RTTN: variants seen among roughly 807,000 people sequenced by gnomAD.
RTTN encodes the protein rotatin.
Under a neutral mutation model 269.2 loss-of-function variants are expected in RTTN, and 182 were observed. The ratio of observed to expected loss-of-function variants is 0.68; its 90% CI spans 0.60 to 0.76. The LOEUF is 0.76. Among genes scored for constraint, RTTN ranks in the 30% least tolerant of loss-of-function variants. The pLI, the probability that RTTN is intolerant of heterozygous loss-of-function variation, is 0.00. For missense variants in RTTN, 2,545 were observed against 2,608.6 expected (o/e 0.98, Z 0.53); for synonymous variants, 1,006 against 963.5 (o/e 1.04, Z -0.82).
chr18:70,011,320 C>T (rs1304942264), intron 46 of RTTN, among the ~76,000 whole-genome samples: 3 of 152,296 alleles, frequency 2.0e-5, no homozygotes, highest in Middle Eastern at 6.8e-3. Flanking sequence ...CCCCGATGAA[C>T]ATCGATGCAA....
chr18:70,011,852 C>A (rs553231477), intron 46 of RTTN, among the ~76,000 whole-genome samples: 1 of 152,264 alleles, frequency 6.6e-6, no homozygotes, highest in East Asian at 1.9e-4. Flanking sequence ...TGTCTGCTCA[C>A]TGGTATTGGT....
At chr18:70,189,224 T>C (rs1400220522) in intron 9 of RTTN, among the ~76,000 whole-genome samples, 1 of 152,228 alleles carries the variant, frequency 6.6e-6, no homozygotes, top group African/African-American at 2.4e-5. Context: ...ACATTATTAG[T>C]ATATGAATTA....
intron 14 of RTTN, among the ~76,000 whole-genome samples, chr18:70,153,024 G>A (rs138322507): frequency 0.012 from 1,885 of 151,680 alleles, 24 homozygotes; most frequent in South Asian, 0.038. Flanking sequence ...CTTTTTGTTC[G>A]TGAAACACGC....
At chr18:70,059,714 A>C in intron 36 of RTTN, 136 bp downstream of exon 36, 1 of 538,186 alleles carries the variant, frequency 1.9e-6, no homozygotes, top group Non-Finnish European at 2.9e-6. Context: ...CAAAAGCAAA[A>C]TCCTAGAGTT....
At chr18:70,088,670 A>G (rs2058764133) in intron 30 of RTTN, among the ~76,000 whole-genome samples, 1 of 152,238 alleles carries the variant, frequency 6.6e-6, no homozygotes, top group South Asian at 2.1e-4. Context: ...TGCTTGCTGT[A>G]GAACCACTGC....
At chr18:70,138,458 T>G (rs2060177804) in intron 21 of RTTN, 1 of 152,098 alleles carries the variant, frequency 6.6e-6, no homozygotes, top group South Asian at 2.1e-4. Context: ...TTGAATCCAG[T>G]AGGTGTTCAT....
chr18:70,082,876 A>G (rs1306758816), intron 32 of RTTN, among the ~76,000 whole-genome samples: 1 of 151,728 alleles, frequency 6.6e-6, no homozygotes, highest in Non-Finnish European at 1.5e-5. Context: ...AATTTTTTTT[A>G]GAGATGGGGT....
rs2061598784 is a variant in RTTN at position 70,188,524 on chromosome 18, G to A, written c.1190-301C>T. ...GATTAAAATAATTTTTCGAATTTAGGGACCATCCATTTTACACGTAATATG... is the reference window on the plus strand; with the variant it reads ...GATTAAAATAATTTTTCGAATTTAGAGACCATCCATTTTACACGTAATATG... On this transcript the variant is annotated intron_variant, in intron 9 of 48. Transcript: ENST00000640769. Among the ~76,000 whole-genome samples, 3 of 152,140 alleles carry A rather than the reference G, an allele frequency of 2.0e-5. No individual in the cohort carries two copies. The South Asian group carries it at 6.2e-4, about 32-fold the overall frequency.
At chr18:70,129,695 G>C (rs926856295) in intron 23 of RTTN, 1 of 151,836 alleles carries the variant, frequency 6.6e-6, no homozygotes, top group Admixed American at 6.6e-5. Context: ...TTAGAGAAAT[G>C]CTTCAGGACA....
chr18:70,057,776 G>T lies in RTTN; in HGVS notation c.4997C>A (p.Pro1666His). ...TCVQELRALL[P>H]SSPPAEHTQA... ...AGTGTGTTCAGCTGGAGGTGATGAA[G>T]GCAGCAGGGCTCTGAGTTCCTGGAC... is the stretch of plus-strand genomic sequence containing the variant. The change falls in exon 37 of 49, where the codon CCT becomes CAT. Residue 1666 changes from proline (P) to histidine (H), a missense_variant. By Grantham distance (77) the Pro-to-His change is moderately conservative. Coordinates refer to ENST00000640769, the MANE Select transcript of RTTN (RefSeq NM_173630.4). 6.2e-7 allele frequency: 1 copy of T among 1,613,840 alleles called. No homozygotes were observed. Among genetic ancestry groups the T allele is most frequent in the Non-Finnish European group, 8.5e-7 (1 of 1,179,810 alleles).
intron 31 of RTTN, 107 bp downstream of exon 31, chr18:70,087,882 G>T: frequency 1.7e-6 from 2 of 1,149,154 alleles, no homozygotes; most frequent in Non-Finnish European, 1.2e-6. Flanking sequence ...AGACAGAAGA[G>T]ATCATGGTCA....
chr18:70,183,685 C>G (rs908987822), intron 10 of RTTN, among the ~76,000 whole-genome samples: 1 of 152,174 alleles, frequency 6.6e-6, no homozygotes, highest in Non-Finnish European at 1.5e-5. Context: ...AGCAGCACCA[C>G]TCCAGGTGTG....
intron 42 of RTTN, 44 bp from the exon 43 acceptor site, chr18:70,028,845 T>C: frequency 7.4e-7 from 1 of 1,355,808 alleles, no homozygotes; most frequent in Non-Finnish European, 1.1e-6. Context: ...TGCAACAGCA[T>C]ACTTCACTTT....
chr18:70,201,790 GA>G, intron 4 of RTTN, 103 bp downstream of exon 4: 1 of 676,646 alleles, frequency 1.5e-6, no homozygotes, highest in Non-Finnish European at 2.6e-6. Flanking sequence ...GTTTGGTGCT[GA>G]AACATTCAAG....
At position 70,027,338 on chromosome 18, in the gene RTTN, T is replaced by C. The variant is rs2056882940; in HGVS notation, c.5823+1386A>G. 2.6e-5 allele frequency among the ~76,000 whole-genome samples: 4 copies of C among 152,208 alleles called. No homozygotes were observed. The South Asian group carries it at 8.3e-4, about 32-fold the overall frequency. ...ACCTGATAAAAGCTGAAATTGAAAT[T>C]AACAATCCCTACCTCCATAATATTA... is the stretch of plus-strand genomic sequence containing the variant. On this transcript the variant is annotated intron_variant, in intron 43 of 48. Coordinates refer to ENST00000640769, the MANE Select transcript of RTTN (RefSeq NM_173630.4).
chr18:70,201,532 C>A (rs1271645112), intron 4 of RTTN, among the ~76,000 whole-genome samples: 1 of 125,598 alleles, frequency 8.0e-6, no homozygotes, highest in South Asian at 2.9e-4. Context: ...GGCGTGAACC[C>A]GGGAGGCGGA....
intron 46 of RTTN, among the ~76,000 whole-genome samples, chr18:70,016,052 G>A (rs745658786): frequency 6.6e-6 from 1 of 152,184 alleles, no homozygotes; most frequent in East Asian, 1.9e-4. Context: ...AACAGAGAAC[G>A]CAGCATCAGC....
rs2058120268 is a variant in RTTN, at chr18:70,065,919, C to T, written c.4657G>A (p.Ala1553Thr). 2.5e-6 allele frequency: 4 copies of T among 1,583,970 alleles called. No individual in the cohort carries two copies. In the South Asian group the frequency reaches 4.7e-5, roughly 18 times the overall value. ...SSLSTSETTV[A>T]PSLGSTEFQP... ...AATTCAGTACTCCCCAATGAAGGTG[C>T]CACCTATGAATCAGTAAATTATTTT... Residue 1553 changes from alanine to threonine, a missense_variant, in exon 35 of 49, where the codon GCA becomes ACA. Physicochemically the swap from Ala to Thr is moderately conservative, Grantham distance 58. Transcript: ENST00000640769.
At chr18:70,152,295 T>C (rs777364463) in intron 14 of RTTN, among the ~76,000 whole-genome samples, 2 of 152,182 alleles carry the variant, frequency 1.3e-5, no homozygotes, top group Non-Finnish European at 1.5e-5. Flanking sequence ...AATATGGGCT[T>C]TGGAGTGAGC....
Sources: allele counts gnomAD v4.1 joint callset (sites outside exome capture counted in the v4.1 genomes callset), GRCh38; gene constraint gnomAD v4.1.1; transcripts MANE v1.5; gene names NCBI Gene and HGNC (gene_info 2026-07-23, HGNC 2026-07-21).